PDE8B: variants seen among roughly 807,000 people sequenced by gnomAD.
The protein encoded by PDE8B is high affinity cAMP-specific and IBMX-insensitive 3',5'-cyclic phosphodiesterase 8B.
PDE8B carries 26 observed loss-of-function variants against 101.3 expected under a neutral mutation model. The ratio of observed to expected loss-of-function variants is 0.26; its 90% CI spans 0.19 to 0.36. The LOEUF (loss-of-function observed/expected upper bound fraction) is 0.36. Ranked by LOEUF, PDE8B falls within the 10% of genes least tolerant of loss-of-function variation. The probability of loss-of-function intolerance (pLI) is 1.00; values close to 1 mark genes in which losing one functional copy is unlikely to be tolerated. For missense variants in PDE8B, 810 were observed against 1,163.1 expected (o/e 0.70, Z 4.42); for synonymous variants, 424 against 429.3 (o/e 0.99, Z 0.15).
chr5:77,421,833 G>A lies in PDE8B; in HGVS notation c.2263G>A (p.Asp755Asn), dbSNP rs116027371. The change falls in exon 20 of 22, where the codon GAC becomes AAC. Residue 755 changes from aspartate (D) to asparagine (N), a missense_variant. Coordinates refer to ENST00000264917, the MANE Select transcript of PDE8B (RefSeq NM_003719.5). ...KPMAAEIEGS[D>N]CECNPAGKNF... ...ATCTGTTTTCCAGATTGAAGGCAGC[G>A]ACTGTGAATGCAACCCTGCTGGGAA... The A allele has an allele frequency of 3.5e-4, 571 of 1,614,062 alleles. 9 individuals are homozygous for A. In the East Asian group the frequency reaches 7.0e-3, roughly 20 times the overall value.
chr5:77,402,206 G>A (rs1018778802), intron 11 of PDE8B, among the ~76,000 whole-genome samples: 1 of 151,992 alleles, frequency 6.6e-6, no homozygotes, highest in African/African-American at 2.4e-5. Flanking sequence ...ATTCAGAAAT[G>A]CCATGATCCC....
intron 1 of PDE8B, among the ~76,000 whole-genome samples, chr5:77,289,213 G>A (rs1766736246): frequency 6.6e-6 from 1 of 152,158 alleles, no homozygotes; most frequent in Non-Finnish European, 1.5e-5. Context: ...GGTGAAAAGG[G>A]AAATGATAAA....
chr5:77,109,877 A>T, the PDE8B span, among the ~76,000 whole-genome samples: 2 of 150,734 alleles, frequency 1.3e-5, no homozygotes, highest in Non-Finnish European at 2.9e-5. Flanking sequence ...TTCAAAGCTG[A>T]TACAATAGAA....
intron 1 of PDE8B, chr5:77,290,728 G>A (rs1218887364): frequency 1.9e-5 from 29 of 1,495,724 alleles, no homozygotes; most frequent in Middle Eastern, 2.1e-4. Flanking sequence ...ATTGAGCAGT[G>A]GAATCCTGTA....
chr5:77,126,377 G>A, the PDE8B span, among the ~76,000 whole-genome samples: 1 of 152,104 alleles, frequency 6.6e-6, no homozygotes, highest in African/African-American at 2.4e-5. Flanking sequence ...AAAAATTGAA[G>A]AGCTTGATGG....
chr5:77,322,924 A>T (rs1775361082), intron 2 of PDE8B, among the ~76,000 whole-genome samples: 1 of 152,272 alleles, frequency 6.6e-6, no homozygotes, highest in Non-Finnish European at 1.5e-5. Context: ...GTAATGCCCA[A>T]CAAGAGAATT....
Position 77,426,483 on chromosome 5 carries a change from G to C in PDE8B, c.2587G>C (p.Asp863His), listed in dbSNP as rs758407883. Reference sequence around the variant, plus strand: ...GCCAGCCCTGATGCAACATTTGGCTGACAACTACAAACACTGGAAGACACT... The same window carrying C: ...GCCAGCCCTGATGCAACATTTGGCTCACAACTACAAACACTGGAAGACACT... ...HLPALMQHLA[D>H]NYKHWKTLDD... is the part of the protein sequence containing the mutation. Residue 863 changes from aspartate to histidine, a missense_variant, in exon 22 of 22, where the codon GAC (aspartate) becomes CAC (histidine). Asp to His is a moderately conservative substitution (Grantham distance 81, BLOSUM62 -1). Around this residue, in one of 4 missense-constraint regions of PDE8B, gnomAD observed 325 missense variants for 560.9 expected, o/e 0.58. Coordinates refer to ENST00000264917, the MANE Select transcript of PDE8B (RefSeq NM_003719.5). The C allele has an allele frequency of 4.3e-6, 7 of 1,613,748 alleles. No individual in the cohort carries two copies. In the South Asian group the frequency reaches 7.7e-5, roughly 18 times the overall value.
intron 17 of PDE8B, among the ~76,000 whole-genome samples, chr5:77,416,657 G>A (rs914189455): frequency 1.3e-5 from 2 of 152,208 alleles, no homozygotes; most frequent in Non-Finnish European, 2.9e-5. Flanking sequence ...CGTTGGGAAT[G>A]GAAATGACTC....
At chr5:77,227,854 C>T (rs916723613) in intron 1 of PDE8B, among the ~76,000 whole-genome samples, 3 of 152,122 alleles carry the variant, frequency 2.0e-5, no homozygotes, top group African/African-American at 7.2e-5. Context: ...GGTTGCTTCC[C>T]TAGGTGAGTT....
At chr5:77,194,384 C>T in the PDE8B span, among the ~76,000 whole-genome samples, 1 of 152,094 alleles carries the variant, frequency 6.6e-6, no homozygotes, top group South Asian at 2.1e-4. Context: ...TTGTTTTTTC[C>T]TTTGTTCTTT....
chr5:77,146,296 T>C, the PDE8B span: 2 of 152,136 alleles, frequency 1.3e-5, no homozygotes, highest in South Asian at 4.1e-4. Flanking sequence ...GCCAAAAGGG[T>C]GAACTGAGGA....
At chr5:77,249,626 T>A (rs1169978572) in intron 1 of PDE8B, among the ~76,000 whole-genome samples, 1 of 152,248 alleles carries the variant, frequency 6.6e-6, no homozygotes, top group Non-Finnish European at 1.5e-5. Context: ...GTAATGGATG[T>A]CTCAAAAATG....
chr5:77,315,808 C>T (rs1773666637), intron 2 of PDE8B, among the ~76,000 whole-genome samples: 1 of 152,196 alleles, frequency 6.6e-6, no homozygotes, highest in African/African-American at 2.4e-5. Flanking sequence ...TAGTGTCCTA[C>T]TTTAACCTTT....
At position 77,421,833 on chromosome 5, in the gene PDE8B, G is replaced by C; in HGVS notation, c.2263G>C (p.Asp755His). The C allele has an allele frequency of 3.1e-6, 5 of 1,614,062 alleles. No homozygotes were observed. Among genetic ancestry groups the C allele is most frequent in the Non-Finnish European group, 4.2e-6 (5 of 1,179,988 alleles). Reference protein sequence around the residue: ...KPMAAEIEGSDCECNPAGKNF... With the variant: ...KPMAAEIEGSHCECNPAGKNF... ...ATCTGTTTTCCAGATTGAAGGCAGC[G>C]ACTGTGAATGCAACCCTGCTGGGAA... Residue 755 changes from aspartate to histidine, a missense_variant, in exon 20 of 22, where the codon GAC becomes CAC. Coordinates refer to ENST00000264917, the MANE Select transcript of PDE8B (RefSeq NM_003719.5).
intron 1 of PDE8B, among the ~76,000 whole-genome samples, chr5:77,243,222 G>A (rs1756142230): frequency 6.6e-6 from 1 of 152,098 alleles, no homozygotes; most frequent in Non-Finnish European, 1.5e-5. Context: ...TCTATGGTAT[G>A]TCCATAGATA....
intron 10 of PDE8B, among the ~76,000 whole-genome samples, chr5:77,369,852 A>G (rs1025472050): frequency 1.3e-5 from 2 of 150,660 alleles, no homozygotes; most frequent in African/African-American, 5.0e-5. Context: ...AACATTGTGA[A>G]AAAGACACCC....
At chr5:77,196,529 A>C in the PDE8B span, among the ~76,000 whole-genome samples, 1 of 152,158 alleles carries the variant, frequency 6.6e-6, no homozygotes, top group African/African-American at 2.4e-5. Context: ...TGTTTTTGGG[A>C]TAAAAACCGC....
chr5:77,311,138 AC>A (rs1772509272), intron 1 of PDE8B, among the ~76,000 whole-genome samples: 2 of 138,192 alleles, frequency 1.4e-5, no homozygotes, highest in Admixed American at 1.6e-4. Context: ...ACAAATGACC[AC>A]AGTCTCTTAG....
chr5:77,328,981 G>T lies in PDE8B; in HGVS notation c.591-17G>T, dbSNP rs370337970. 21 of 1,611,546 alleles carry T rather than the reference G, an allele frequency of 1.3e-5. No individual in the cohort carries two copies. The African/African-American group carries it at 2.8e-4, about 21-fold the overall frequency. ...AGCCCAGATCACCTTGTTTGACTTG[G>T]AGCCTTCTCATTGCAGGTCGATCCG... is the stretch of plus-strand genomic sequence containing the variant. On this transcript the variant is annotated splice_polypyrimidine_tract_variant and intron_variant, in intron 3 of 21. Coordinates refer to ENST00000264917, the MANE Select transcript of PDE8B (RefSeq NM_003719.5).
Sources: gnomAD v4.1 joint callset for allele counts (sites outside exome capture counted in the v4.1 genomes callset) on GRCh38, gnomAD v4.1.1 for gene constraint, gnomAD v4.1.1 regional missense constraint, MANE v1.5 for transcripts, NCBI Gene and HGNC (gene_info 2026-07-23, HGNC 2026-07-21) for gene names.